Variants in GALNTL6 observed in about 807,000 individuals in gnomAD.
GALNTL6 encodes polypeptide N-acetylgalactosaminyltransferase-like 6.
Under a neutral mutation model 73.7 loss-of-function variants are expected in GALNTL6, and 46 were observed. That is an observed-to-expected ratio of 0.62 (90% CI 0.49 to 0.80). GALNTL6 has a LOEUF of 0.80. Among genes scored for constraint, GALNTL6 ranks in the 30% least tolerant of loss-of-function variants. The pLI is 0.00. For synonymous variants in GALNTL6, 259 were observed against 263.7 expected, an observed-to-expected ratio of 0.98 and a Z score of 0.17; for missense variants, 604 against 755.0, an observed-to-expected ratio of 0.80 and a Z score of 2.34.
intron 5 of GALNTL6, among the ~76,000 whole-genome samples, chr4:172,646,938 A>G (rs1740269166): frequency 6.6e-6 from 1 of 152,092 alleles, no homozygotes; most frequent in Non-Finnish European, 1.5e-5. Flanking sequence ...CATTTACTCA[A>G]ATTAATTCAA....
chr4:172,769,339 T>C (rs572522816), intron 5 of GALNTL6, among the ~76,000 whole-genome samples: 1 of 152,190 alleles, frequency 6.6e-6, no homozygotes, highest in South Asian at 2.1e-4. Context: ...GTAGTGACAG[T>C]AAAATCAAAG....
intron 7 of GALNTL6, among the ~76,000 whole-genome samples, chr4:172,880,911 C>G (rs1745420468): frequency 1.3e-5 from 2 of 152,112 alleles, no homozygotes; most frequent in South Asian, 4.1e-4. Flanking sequence ...TATTGTGTTT[C>G]TGACAATTTG....
chr4:172,013,087 G>T (rs1012073351), intron 2 of GALNTL6, among the ~76,000 whole-genome samples: 2 of 152,050 alleles, frequency 1.3e-5, no homozygotes, highest in Admixed American at 1.3e-4. Context: ...GATGCTGAGT[G>T]ATATTTTGAT....
intron 3 of GALNTL6, among the ~76,000 whole-genome samples, chr4:172,273,662 A>G (rs1036721466): frequency 6.6e-5 from 10 of 152,130 alleles, no homozygotes; most frequent in Non-Finnish European, 1.3e-4. Flanking sequence ...AGCAGGGAGG[A>G]TAAAGTAAAT....
intron 2 of GALNTL6, among the ~76,000 whole-genome samples, chr4:171,866,001 T>A (rs1735961128): frequency 6.6e-6 from 1 of 152,126 alleles, no homozygotes; most frequent in African/African-American, 2.4e-5. Context: ...TAATTCTCTG[T>A]TAAATATAAA....
intron 2 of GALNTL6, among the ~76,000 whole-genome samples, chr4:172,126,983 G>A (rs1273978070): frequency 6.6e-6 from 1 of 152,136 alleles, no homozygotes; most frequent in African/African-American, 2.4e-5. Flanking sequence ...CAAGGAAGCC[G>A]CCAAACATTT....
chr4:172,897,168 G>A (rs1188425679), intron 8 of GALNTL6, among the ~76,000 whole-genome samples: 1 of 152,216 alleles, frequency 6.6e-6, no homozygotes, highest in Non-Finnish European at 1.5e-5. Flanking sequence ...GAGCTGCTAT[G>A]GGTAGAGGCT....
chr4:172,810,234 C>G (rs1288502703), intron 6 of GALNTL6, among the ~76,000 whole-genome samples: 1 of 152,144 alleles, frequency 6.6e-6, no homozygotes, highest in African/African-American at 2.4e-5. Context: ...CACACTTGAA[C>G]TGTTAGAAAC....
At chr4:172,878,433 A>G (rs1291406266) in intron 7 of GALNTL6, among the ~76,000 whole-genome samples, 2 of 152,054 alleles carry the variant, frequency 1.3e-5, no homozygotes, top group East Asian at 3.9e-4. Context: ...TAATAATACA[A>G]TGTGGGATTT....
At chr4:172,513,743 A>G (rs1316518242) in intron 5 of GALNTL6, among the ~76,000 whole-genome samples, 1 of 152,186 alleles carries the variant, frequency 6.6e-6, no homozygotes, top group Non-Finnish European at 1.5e-5. Context: ...AGTGTCTACA[A>G]AGAGCCCCAT....
intron 5 of GALNTL6, among the ~76,000 whole-genome samples, chr4:172,602,956 T>C (rs772428797): frequency 1.1e-4 from 17 of 152,164 alleles, no homozygotes; most frequent in South Asian, 2.1e-4. Context: ...GATTATGCCA[T>C]TGTGCTGAGC....
chr4:172,561,831 CAG>C (rs1736384061), intron 5 of GALNTL6, among the ~76,000 whole-genome samples: 1 of 152,132 alleles, frequency 6.6e-6, no homozygotes, highest in African/African-American at 2.4e-5. Context: ...ATTCATTGTA[CAG>C]CAAACTTTGA....
At chr4:172,015,987 T>A (rs1191522483) in intron 2 of GALNTL6, among the ~76,000 whole-genome samples, 1 of 137,700 alleles carries the variant, frequency 7.3e-6, no homozygotes, top group African/African-American at 2.7e-5. Context: ...GTCTCACAGC[T>A]CTTAAGATTC....
chr4:172,651,178 C>G (rs1332135173), intron 5 of GALNTL6, among the ~76,000 whole-genome samples: 1 of 152,166 alleles, frequency 6.6e-6, no homozygotes, highest in African/African-American at 2.4e-5. Context: ...ACAGGGACTT[C>G]TGGCCCAAAC....
intron 3 of GALNTL6, among the ~76,000 whole-genome samples, chr4:172,234,304 T>C (rs1322634759): frequency 6.6e-6 from 1 of 152,160 alleles, no homozygotes; most frequent in Non-Finnish European, 1.5e-5. Flanking sequence ...GAATAGTTGG[T>C]AATAATGGCT....
At chr4:172,979,099 T>A (rs913350386) in intron 10 of GALNTL6, among the ~76,000 whole-genome samples, 1 of 152,210 alleles carries the variant, frequency 6.6e-6, no homozygotes, top group African/African-American at 2.4e-5. Flanking sequence ...TTGGTACTAA[T>A]AGTGGGTGTT....
At chr4:172,548,861 A>G (rs2110894008) in intron 5 of GALNTL6, among the ~76,000 whole-genome samples, 1 of 152,304 alleles carries the variant, frequency 6.6e-6, no homozygotes, top group Non-Finnish European at 1.5e-5. Context: ...TAAAATGTAA[A>G]TAATAATCAG....
Position 173,009,545 on chromosome 4 carries a change from G to A in GALNTL6, c.1488+251G>A, listed in dbSNP as rs369693736. Reference sequence around the variant, plus strand: ...CAATTATCCTCTAAATATGAGAAAGGATGGGAGAAATGTGGATTGCGACCC... The same window carrying A: ...CAATTATCCTCTAAATATGAGAAAGAATGGGAGAAATGTGGATTGCGACCC... On this transcript the variant is annotated intron_variant, in intron 11 of 12. Coordinates refer to ENST00000506823, the MANE Select transcript of GALNTL6 (RefSeq NM_001034845.3). Among the ~76,000 whole-genome samples the A allele has an allele frequency of 1.4e-4, 22 of 152,202 alleles. 1 individual carries two copies. The highest frequency in any genetic ancestry group is 2.8e-4 in the Non-Finnish European group (19 of 68,026).
chr4:172,621,051 G>A (rs116676722), intron 5 of GALNTL6, among the ~76,000 whole-genome samples: 2,245 of 152,170 alleles, frequency 0.015, 60 homozygotes, highest in African/African-American at 0.05. Flanking sequence ...TGAGAAGCTC[G>A]GCTTTCTTTT....
Sources: gnomAD v4.1 joint callset for allele counts (sites outside exome capture counted in the v4.1 genomes callset) on GRCh38, gnomAD v4.1.1 for gene constraint, MANE v1.5 for transcripts, NCBI Gene and HGNC (gene_info 2026-07-23, HGNC 2026-07-21) for gene names.